DCHS2: variants seen among roughly 807,000 people sequenced by gnomAD.
DCHS2 encodes protocadherin-23.
DCHS2 carries 142 observed loss-of-function variants against 182.4 expected under a neutral mutation model. The observed-to-expected ratio is 0.78, with a 90% CI of 0.68 to 0.89. The LOEUF is 0.89. Among genes scored for constraint, DCHS2 ranks in the 40% least tolerant of loss-of-function variants. DCHS2 has a pLI of 0.00. For synonymous variants in DCHS2, 1,740 were observed against 1,663.3 expected (o/e 1.05, Z -1.12); for missense variants, 4,319 against 4,198.6 (o/e 1.03, Z -0.79).
intron 1 of DCHS2, among the ~76,000 whole-genome samples, chr4:154,429,033 T>C (rs2110930794): frequency 6.6e-6 from 1 of 151,976 alleles, no homozygotes; most frequent in East Asian, 1.9e-4. Context: ...GAATATTTGA[T>C]AATGGTTATA....
In DCHS2 at chr4:154,298,653, G is replaced by T; in HGVS notation, c.5661C>A (p.Thr1887=). The change falls in exon 13 of 20, where the codon ACC becomes ACA. Residue 1887 remains threonine, a synonymous_variant. Coordinates refer to ENST00000357232, the MANE Select transcript of DCHS2 (RefSeq NM_001358235.2). Reference sequence around the variant, plus strand: ...TTTGCTCCCGGTCCAAAGCACGAGTGGTTGAGAGTTCTCCTGACATCTCAT... The same window carrying T: ...TTTGCTCCCGGTCCAAAGCACGAGTTGTTGAGAGTTCTCCTGACATCTCAT... ...TINEMSGELS[T]TRALDREQIS... The T allele has an allele frequency of 6.2e-7, 1 of 1,612,654 alleles. No individual in the cohort carries two copies. The highest frequency in any genetic ancestry group is 1.1e-5 in the South Asian group (1 of 90,854).
intron 9 of DCHS2, among the ~76,000 whole-genome samples, chr4:154,319,951 A>G (rs1448297781): frequency 6.6e-6 from 1 of 151,094 alleles, no homozygotes; most frequent in Non-Finnish European, 1.5e-5. Context: ...GTTAATCGGC[A>G]GATGAATGGA....
In DCHS2 at chr4:154,320,758, T is replaced by C. The variant is rs1561039265; in HGVS notation, c.4641A>G (p.Gln1547=). The stretch of plus-strand genomic sequence containing the variant: ...CAGGGTTGTGGGATTCAATGTAGTA[T>C]TGTATTCTACTGTTCAAAAAACTGC... ...DDGSFLNSRI[Q]YYIESHNPGT... The change falls in exon 9 of 20, where the codon CAA becomes CAG. Residue 1547 remains glutamine (Q), a synonymous_variant. Transcript: ENST00000357232. The C allele has an allele frequency of 6.2e-7, 1 of 1,614,090 alleles. No individual in the cohort carries two copies. The highest frequency in any genetic ancestry group is 8.5e-7 in the Non-Finnish European group (1 of 1,180,000).
chr4:154,297,770 G>A lies in DCHS2; in HGVS notation c.6463+81C>T, dbSNP rs1012225456. ...AAAATGTATAACTGAATGCGCAATG[G>A]CACTCTTGTAGTATAATCCGTACTC... On this transcript the variant is annotated intron_variant, in intron 13 of 19. Transcript: ENST00000357232. 5.9e-6 allele frequency: 9 copies of A among 1,516,164 alleles called. No homozygotes were observed. The East Asian group carries it at 2.1e-4, about 35-fold the overall frequency. The allele number at this position is 1,516,164 out of a possible 1,614,324, so 93.9% of individuals were successfully genotyped here. A position where few individuals can be genotyped will look rare whatever the true frequency, so the allele number is the denominator to read the frequency against.
chr4:154,254,420 G>A (rs1243856403), intron 16 of DCHS2, among the ~76,000 whole-genome samples: 3 of 152,242 alleles, frequency 2.0e-5, no homozygotes, highest in East Asian at 1.9e-4. Context: ...CATCCTCATC[G>A]GCACATAGAG....
In DCHS2 at chr4:154,320,547, G is replaced by A; in HGVS notation, c.4852C>T (p.Pro1618Ser). 6.2e-7 allele frequency: 1 copy of A among 1,614,052 alleles called. No homozygotes were observed. The highest frequency in any genetic ancestry group is 8.5e-7 in the Non-Finnish European group (1 of 1,180,000). Residue 1618 changes from proline (P) to serine (S), a missense_variant, in exon 9 of 20, where the codon CCC (proline) becomes TCC (serine). Transcript: ENST00000357232. ...GCATTGGGGAAAGAAATAAAAGTGG[G>A]GTTGTGGTCATTTACATCCAAAATC... ...IVILDVNDHN[P>S]TFISFPNAHV... is the part of the protein sequence containing the mutation.
rs1352275275 is a variant in DCHS2 at position 154,490,683 on chromosome 4, A to G, written c.673T>C (p.Tyr225His). 1.3e-6 allele frequency: 2 copies of G among 1,551,476 alleles called. No individual in the cohort carries two copies. Among genetic ancestry groups the G allele is most frequent in the Non-Finnish European group, 1.7e-6 (2 of 1,146,938 alleles). ...GACGGTAGTGGCCCCGGAGTCCGGT[A>G]GCGCAACTGGAAGAACGGGCCTGCG... is the stretch of plus-strand genomic sequence containing the variant. ...DPAGPFFQLR[Y>H]RTPGPLPSPL... The change falls in exon 1 of 20, where the codon TAC (tyrosine) becomes CAC (histidine). Residue 225 changes from tyrosine (Y) to histidine (H), a missense_variant. Tyr to His is a moderately conservative substitution (Grantham distance 83, BLOSUM62 2). Transcript: ENST00000357232.
chr4:154,328,256 C>T, intron 6 of DCHS2, 64 bp from the exon 7 acceptor site: 2 of 1,156,378 alleles, frequency 1.7e-6, no homozygotes, highest in Middle Eastern at 2.0e-4. Context: ...TATCAGTGGA[C>T]CTTTAAATGA....
chr4:154,269,829 T>A (rs545805323), intron 14 of DCHS2, 71 bp downstream of exon 14: 2 of 1,556,080 alleles, frequency 1.3e-6, no homozygotes, highest in East Asian at 4.6e-5. Flanking sequence ...CAATTTCTAC[T>A]TTGCAAATTT....
intron 17 of DCHS2, 44 bp downstream of exon 17, chr4:154,242,598 T>C (rs1731877869): frequency 3.8e-6 from 6 of 1,590,864 alleles, no homozygotes; most frequent in Non-Finnish European, 5.1e-6. Context: ...TAAATGATAT[T>C]ATACAAGTTA....
intron 1 of DCHS2, among the ~76,000 whole-genome samples, chr4:154,384,794 T>C (rs1049942048): frequency 1.3e-5 from 2 of 152,008 alleles, no homozygotes; most frequent in Non-Finnish European, 2.9e-5. Flanking sequence ...CTGGAGGAGA[T>C]AAAGAATGGA....
At chr4:154,318,698 T>A (rs955199934) in intron 9 of DCHS2, among the ~76,000 whole-genome samples, 2 of 151,820 alleles carry the variant, frequency 1.3e-5, no homozygotes, top group African/African-American at 4.8e-5. Flanking sequence ...ATGAAAGAAA[T>A]TAAAGAAGAT....
chr4:154,480,571 T>C (rs1489516317), intron 1 of DCHS2, among the ~76,000 whole-genome samples: 1 of 152,218 alleles, frequency 6.6e-6, no homozygotes, highest in East Asian at 1.9e-4. Context: ...TGGCATTTTC[T>C]AATCTGAGAA....
intron 16 of DCHS2, among the ~76,000 whole-genome samples, chr4:154,246,576 A>G (rs879608532): frequency 2.0e-5 from 3 of 152,262 alleles, no homozygotes; most frequent in Admixed American, 6.5e-5. Context: ...ACAAATAAAA[A>G]AAAGGAACCC....
chr4:154,397,060 C>G (rs1021452810), intron 1 of DCHS2, among the ~76,000 whole-genome samples: 1 of 152,174 alleles, frequency 6.6e-6, no homozygotes, highest in African/African-American at 2.4e-5. Flanking sequence ...CCATGAATGT[C>G]TAACTCATGT....
At chr4:154,291,873 AG>A (rs1181627258) in intron 13 of DCHS2, among the ~76,000 whole-genome samples, 2 of 152,192 alleles carry the variant, frequency 1.3e-5, no homozygotes, top group Non-Finnish European at 2.9e-5. Flanking sequence ...AGAATGAATA[AG>A]GTCTAGTATT....
intron 1 of DCHS2, among the ~76,000 whole-genome samples, chr4:154,439,813 A>G (rs1043386237): frequency 6.6e-6 from 1 of 152,342 alleles, no homozygotes; most frequent in African/African-American, 2.4e-5. Context: ...AGTTATGACC[A>G]CAAACAATAT....
intron 9 of DCHS2, among the ~76,000 whole-genome samples, chr4:154,319,249 G>C (rs1735964881): frequency 6.6e-6 from 1 of 152,006 alleles, no homozygotes; most frequent in South Asian, 2.1e-4. Flanking sequence ...GGTCCTACAA[G>C]GAAACACAGA....
chr4:154,434,925 A>T (rs1733711841), intron 1 of DCHS2, among the ~76,000 whole-genome samples: 1 of 152,186 alleles, frequency 6.6e-6, no homozygotes, highest in Admixed American at 6.5e-5. Context: ...AAGTCTGGGA[A>T]ACTGTCACAG....
Sources: gnomAD v4.1 joint callset for allele counts (sites outside exome capture counted in the v4.1 genomes callset) on GRCh38, gnomAD v4.1.1 for gene constraint, MANE v1.5 for transcripts, NCBI Gene and HGNC (gene_info 2026-07-23, HGNC 2026-07-21) for gene names.